HNF1B: variants seen among roughly 807,000 people sequenced by gnomAD.
The protein encoded by HNF1B is HNF1 homeobox B, also known as hepatocyte nuclear factor 1-beta.
HNF1B carries 8 observed loss-of-function variants against 61.7 expected under a neutral mutation model. That is an observed-to-expected ratio of 0.13 (90% confidence interval 0.08 to 0.23). The LOEUF is 0.23. Ranked by LOEUF, HNF1B falls within the 10% of genes least tolerant of loss-of-function variation. HNF1B has a pLI of 1.00. For synonymous variants in HNF1B, 314 were observed against 287.7 expected (o/e 1.09, Z -0.93); for missense variants, 562 against 714.5 (o/e 0.79, Z 2.43).
intron 5 of HNF1B, among the ~76,000 whole-genome samples, 159 bp downstream of exon 5, chr17:37,710,344 G>T (rs1290170275): frequency 3.9e-5 from 6 of 152,214 alleles, no homozygotes; most frequent in Admixed American, 1.3e-4. Context: ...CAAAGGCTGG[G>T]TCACCAGCAC....
rs138861889 is a variant in HNF1B, at chr17:37,720,977, G to A, written c.1046-10314C>T. Reference sequence around the variant, plus strand: ...TAAATTAAGCACTTTTGTGCCCATCGTGCAAACTGATGTTACACAAATAGG... The same window carrying A: ...TAAATTAAGCACTTTTGTGCCCATCATGCAAACTGATGTTACACAAATAGG... On this transcript the variant is annotated intron_variant, in intron 4 of 8. Coordinates refer to ENST00000617811, the MANE Select transcript of HNF1B (RefSeq NM_000458.4). 75 of 982,820 alleles carry A rather than the reference G, an allele frequency of 7.6e-5. No homozygotes were observed. The African/African-American group carries it at 1.1e-3, about 14-fold the overall frequency. The allele number at this position is 982,820 out of a possible 1,614,324, so 60.9% of individuals were successfully genotyped here. A position where few individuals can be genotyped will look rare whatever the true frequency, so the allele number is the denominator to read the frequency against.
chr17:37,696,018 T>A (rs1008756682), intron 8 of HNF1B, among the ~76,000 whole-genome samples: 11 of 152,084 alleles, frequency 7.2e-5, no homozygotes, highest in African/African-American at 2.7e-4. Flanking sequence ...ATGGTCTGGA[T>A]GTGTGTCCCC....
At chr17:37,711,468 G>A (rs776640369) in intron 4 of HNF1B, among the ~76,000 whole-genome samples, 4 of 152,170 alleles carry the variant, frequency 2.6e-5, no homozygotes, top group Non-Finnish European at 5.9e-5. Flanking sequence ...TTACAACCTC[G>A]CTGCTCTGAC....
At chr17:37,696,710 C>A (rs7211959) in intron 8 of HNF1B, among the ~76,000 whole-genome samples, 1 of 152,124 alleles carries the variant, frequency 6.6e-6, no homozygotes, top group African/African-American at 2.4e-5. Flanking sequence ...AATCTGAACA[C>A]GCCAGAAATG....
At position 37,710,485 on chromosome 17, in the gene HNF1B, T is replaced by G; in HGVS notation, c.1206+18A>C. The G allele has an allele frequency of 1.2e-6, 2 of 1,614,108 alleles. No homozygotes were observed. Among genetic ancestry groups the G allele is most frequent in the South Asian group, 2.2e-5 (2 of 91,082 alleles). Reference sequence around the variant, plus strand: ...TATCTTATCAGCTCCAGAGCGACAATGGCCCAGGTGTACTCACCATTTTAC... The same window carrying G: ...TATCTTATCAGCTCCAGAGCGACAAGGGCCCAGGTGTACTCACCATTTTAC... On this transcript the variant is annotated intron_variant, in intron 5 of 8. Coordinates refer to ENST00000617811, the MANE Select transcript of HNF1B (RefSeq NM_000458.4).
chr17:37,716,842 ATC>A (rs55634127), intron 4 of HNF1B, among the ~76,000 whole-genome samples: 5,836 of 130,892 alleles, frequency 0.045, 117 homozygotes, highest in African/African-American at 0.066. Flanking sequence ...CACTTTAACA[ATC>A]TCTCTCTCTC....
At position 37,687,305 on chromosome 17, in the gene HNF1B, C is replaced by G. The variant is rs765609943; in HGVS notation, c.*67G>C. On this transcript the variant is annotated 3_prime_UTR_variant, in exon 9 of 9. Coordinates refer to ENST00000617811, the MANE Select transcript of HNF1B (RefSeq NM_000458.4). Reference sequence around the variant, plus strand: ...TCACTGGGCTTTTCCATGACAGCTGCCCAGAGGGTGATGGTGTGGAAAACA... The same window carrying G: ...TCACTGGGCTTTTCCATGACAGCTGGCCAGAGGGTGATGGTGTGGAAAACA... 2.5e-6 allele frequency: 4 copies of G among 1,613,872 alleles called. No homozygotes were observed. The highest frequency in any genetic ancestry group is 4.5e-5 in the East Asian group (2 of 44,882).
chr17:37,703,915 A>G (rs1017151539), intron 6 of HNF1B, among the ~76,000 whole-genome samples: 2 of 152,252 alleles, frequency 1.3e-5, no homozygotes, highest in Non-Finnish European at 2.9e-5. Flanking sequence ...AAGAGGGAAG[A>G]AAGAAAAAGG....
intron 4 of HNF1B, among the ~76,000 whole-genome samples, chr17:37,726,756 G>A (rs1364683697): frequency 6.6e-6 from 1 of 152,166 alleles, no homozygotes; most frequent in African/African-American, 2.4e-5. Flanking sequence ...AAAGGGAGGA[G>A]CAGCAGCCAC....
At chr17:37,713,773 G>A (rs888079870) in intron 4 of HNF1B, among the ~76,000 whole-genome samples, 6 of 152,312 alleles carry the variant, frequency 3.9e-5, no homozygotes, top group African/African-American at 1.2e-4. Context: ...CTGCTCATCA[G>A]CCCCAGATCC....
At chr17:37,726,329 T>C (rs779809213) in intron 4 of HNF1B, among the ~76,000 whole-genome samples, 1 of 152,200 alleles carries the variant, frequency 6.6e-6, no homozygotes, top group African/African-American at 2.4e-5. Context: ...CTTCTCTTGA[T>C]TGTAAAATGA....
rs760448993 is a variant in HNF1B, at chr17:37,744,654, G to C, written c.231C>G (p.Asp77Glu). 29 of 1,612,900 alleles carry C rather than the reference G, an allele frequency of 1.8e-5. No individual in the cohort carries two copies. Among genetic ancestry groups the C allele is most frequent in the Non-Finnish European group, 2.4e-5 (28 of 1,180,038 alleles). ...NGHAKGRLSG[D>E]EGSEDGDDYD... is the part of the protein sequence containing the mutation. ...AGTCGTCGCCGTCCTCGGAGCCCTCGTCGCCGGACAAGCGGCCCTTGGCGT... is the reference window on the plus strand; with the variant it reads ...AGTCGTCGCCGTCCTCGGAGCCCTCCTCGCCGGACAAGCGGCCCTTGGCGT... The change falls in exon 1 of 9, where the codon GAC becomes GAG. Residue 77 changes from aspartate (D) to glutamate (E), a missense_variant. Physicochemically the swap from Asp to Glu is conservative, Grantham distance 45 (BLOSUM62 2). This residue lies in a region of HNF1B where 148 missense variants were observed against 147.3 expected (regional missense o/e 1.00). Transcript: ENST00000617811.
chr17:37,743,536 G>A (rs1447027128), intron 1 of HNF1B, among the ~76,000 whole-genome samples: 1 of 152,260 alleles, frequency 6.6e-6, no homozygotes, highest in Non-Finnish European at 1.5e-5. Flanking sequence ...CCAAACCGCC[G>A]CTGCGGACGT....
intron 8 of HNF1B, among the ~76,000 whole-genome samples, chr17:37,691,273 A>C (rs1241811438): frequency 6.6e-6 from 1 of 152,218 alleles, no homozygotes; most frequent in Non-Finnish European, 1.5e-5. Context: ...AGGACAGATA[A>C]GTCACTTCTA....
At chr17:37,716,007 A>G (rs2033097025) in intron 4 of HNF1B, among the ~76,000 whole-genome samples, 1 of 151,870 alleles carries the variant, frequency 6.6e-6, no homozygotes, top group Non-Finnish European at 1.5e-5. Context: ...TGGTACGCGC[A>G]TTAGCTAGGC....
chr17:37,701,268 A>G, intron 6 of HNF1B, 91 bp from the exon 7 acceptor site: 1 of 1,265,180 alleles, frequency 7.9e-7, no homozygotes. Flanking sequence ...TCAATGTCCC[A>G]GTCACCGGGC....
intron 8 of HNF1B, among the ~76,000 whole-genome samples, chr17:37,693,484 A>G (rs1397169919): frequency 6.6e-6 from 1 of 152,112 alleles, no homozygotes; most frequent in Non-Finnish European, 1.5e-5. Flanking sequence ...ACTGTACAAT[A>G]CCTCTAAAAT....
chr17:37,731,507 C>A, intron 4 of HNF1B, 88 bp downstream of exon 4: 1 of 1,089,594 alleles, frequency 9.2e-7, no homozygotes, highest in Non-Finnish European at 1.4e-6. Context: ...AGCGTTTGCT[C>A]CTCTGAAAAC....
At chr17:37,744,298 G>A (rs1342467824) in intron 1 of HNF1B, among the ~76,000 whole-genome samples, 2 of 152,260 alleles carry the variant, frequency 1.3e-5, no homozygotes, top group African/African-American at 2.4e-5. Context: ...GCCCCGCGGG[G>A]AAAAGCCCTT....
Sources: allele counts gnomAD v4.1 joint callset (sites outside exome capture counted in the v4.1 genomes callset), GRCh38; gene constraint gnomAD v4.1.1; regional missense constraint gnomAD v4.1.1; transcripts MANE v1.5; gene names NCBI Gene and HGNC (gene_info 2026-07-23, HGNC 2026-07-21).